Variants in LHPP observed in about 807,000 individuals in gnomAD.
The protein encoded by LHPP is phospholysine phosphohistidine inorganic pyrophosphate phosphatase.
A neutral mutation model predicts 30.3 loss-of-function variants in LHPP; 24 were observed. The observed-to-expected ratio is 0.79, with a 90% CI of 0.57 to 1.11. The LOEUF (loss-of-function observed/expected upper bound fraction) is 1.11. Ranked by LOEUF, LHPP falls within the 50% of genes most tolerant of loss-of-function variation. The pLI is 0.00. For missense variants in LHPP, 356 were observed against 367.2 expected, an observed-to-expected ratio of 0.97 and a Z score of 0.25; for synonymous variants, 150 against 157.1, an observed-to-expected ratio of 0.95 and a Z score of 0.34.
intron 6 of LHPP, among the ~76,000 whole-genome samples, chr10:124,565,728 C>A (rs1420445416): frequency 6.6e-6 from 1 of 152,216 alleles, no homozygotes; most frequent in African/African-American, 2.4e-5. Flanking sequence ...AGCCATGTTC[C>A]CATCGTCCCA....
intron 6 of LHPP, among the ~76,000 whole-genome samples, chr10:124,580,333 T>G (rs1948727057): frequency 1.3e-5 from 2 of 152,250 alleles, no homozygotes; most frequent in South Asian, 4.1e-4. Flanking sequence ...AATTCATCCC[T>G]CTCCTTGTTA....
intron 6 of LHPP, among the ~76,000 whole-genome samples, chr10:124,583,052 T>C (rs1948761461): frequency 6.6e-6 from 1 of 152,184 alleles, no homozygotes; most frequent in African/African-American, 2.4e-5. Flanking sequence ...TCAAACCCAG[T>C]TGTTAAGGGT....
At chr10:124,606,638 G>A (rs1169392101) in intron 6 of LHPP, among the ~76,000 whole-genome samples, 1 of 152,262 alleles carries the variant, frequency 6.6e-6, no homozygotes, top group East Asian at 1.9e-4. Context: ...GGAAACTGAG[G>A]CTCGGGCAGG....
At chr10:124,580,721 C>CTTTTTTTTTTTT (rs369288920) in intron 6 of LHPP, among the ~76,000 whole-genome samples, 1 of 75,728 alleles carries the variant, frequency 1.3e-5, no homozygotes. Context: ...TTTTTTTTTT[C>CTTTTTTTTTTTT]TTTTTTTTTT....
chr10:124,522,781 A>T (rs1954641875), intron 6 of LHPP, among the ~76,000 whole-genome samples: 1 of 148,448 alleles, frequency 6.7e-6, no homozygotes, highest in Admixed American at 6.7e-5. Context: ...GGCAGCCCTC[A>T]TCTTCCTTGG....
At chr10:124,570,612 G>A (rs935390449) in intron 6 of LHPP, among the ~76,000 whole-genome samples, 3 of 152,072 alleles carry the variant, frequency 2.0e-5, no homozygotes, top group Non-Finnish European at 2.9e-5. Flanking sequence ...GTACCCATTA[G>A]CAGTGACTTC....
intron 3 of LHPP, among the ~76,000 whole-genome samples, chr10:124,492,993 G>A (rs1953578169): frequency 6.6e-6 from 1 of 152,122 alleles, no homozygotes; most frequent in African/African-American, 2.4e-5. Flanking sequence ...TTCGAGACCA[G>A]CCTGGGCAGC....
chr10:124,603,468 G>A (rs977305110), intron 6 of LHPP, among the ~76,000 whole-genome samples: 11 of 152,224 alleles, frequency 7.2e-5, no homozygotes, highest in Non-Finnish European at 1.5e-4. Context: ...GCCAGGGGAA[G>A]TGTGTCCCCA....
chr10:124,607,103 G>A (rs971093458), intron 6 of LHPP, among the ~76,000 whole-genome samples: 2 of 152,122 alleles, frequency 1.3e-5, no homozygotes, highest in African/African-American at 2.4e-5. Context: ...GGCCACTCCG[G>A]GCAGGATGGT....
intron 6 of LHPP, among the ~76,000 whole-genome samples, chr10:124,604,719 C>A (rs1949070088): frequency 6.6e-6 from 1 of 152,258 alleles, no homozygotes; most frequent in Non-Finnish European, 1.5e-5. Context: ...GAGCTGGCGT[C>A]ACCCTCTGAT....
At chr10:124,579,558 T>C (rs1245373511) in intron 6 of LHPP, among the ~76,000 whole-genome samples, 1 of 152,220 alleles carries the variant, frequency 6.6e-6, no homozygotes, top group Non-Finnish European at 1.5e-5. Context: ...AGATCACACT[T>C]CTGTGAACAG....
intron 6 of LHPP, among the ~76,000 whole-genome samples, chr10:124,544,247 T>TC (rs1437061905): frequency 6.6e-6 from 1 of 151,994 alleles, no homozygotes; most frequent in African/African-American, 2.4e-5. Context: ...TCATGCTGGG[T>TC]CCCCCCATCT....
chr10:124,610,311 CGGGTGT>C lies in LHPP; in HGVS notation c.717-2947_717-2942del, dbSNP rs1564852625. On this transcript the variant is annotated intron_variant, in intron 6 of 6. Transcript: ENST00000368842. ...GCTGGGGTTGCTAATGGAGCGGGTG[CGGGTGT>C]GGGTGCGGGTGAGGGTGCTGATGGA... is the stretch of plus-strand genomic sequence containing the variant. Among the ~76,000 whole-genome samples the C allele has an allele frequency of 1.7e-3, 241 of 140,416 alleles. 3 individuals carry two copies. The highest frequency in any genetic ancestry group is 4.9e-3 in the African/African-American group (170 of 34,938). The allele number at this position is 140,416 out of a possible 152,430, so 92.1% of individuals were successfully genotyped here.
Position 124,496,828 on chromosome 10 carries a change from CCTGGACTGCCCCTCAGCCGCGG to C in LHPP, c.468-130_468-109del. 5.3e-6 allele frequency: 4 copies of C among 756,714 alleles called. No individual in the cohort carries two copies. Among genetic ancestry groups the C allele is most frequent in the Non-Finnish European group, 8.9e-6 (4 of 450,538 alleles). The allele number at this position is 756,714 out of a possible 1,614,324, so 46.9% of individuals were successfully genotyped here. On this transcript the variant is annotated intron_variant, in intron 3 of 6. Coordinates refer to ENST00000368842, the MANE Select transcript of LHPP (RefSeq NM_022126.4). This position sits in a 1 kb window ranked among gnomAD's most constrained non-coding sequence, Gnocchi z 4.3. Reference sequence around the variant, plus strand: ...CCCTGCGGTCATTCTCAGCGTAGCGCCTGGACTGCCCCTCAGCCGCGGCTTGGCTCTGCAGCCAGCGGGACAG... The same window carrying C: ...CCCTGCGGTCATTCTCAGCGTAGCGCCTTGGCTCTGCAGCCAGCGGGACAG...
chr10:124,498,680 T>G, intron 5 of LHPP: 5 of 480,608 alleles, frequency 1.0e-5, no homozygotes, highest in Non-Finnish European at 1.5e-5. Flanking sequence ...TTTTTTTTTT[T>G]TTGAGCCAAT....
Position 124,484,136 on chromosome 10 carries a change from C to A in LHPP, c.126-3C>A. On this transcript the variant is annotated splice_polypyrimidine_tract_variant and splice_region_variant and intron_variant, in intron 1 of 6. Coordinates refer to ENST00000368842, the MANE Select transcript of LHPP (RefSeq NM_022126.4). ...TCCCGGGCCTGTGTCTCCCCTGCCGCAGACTGAAGCGTTCCCGGCTGAAGG... is the reference window on the plus strand; with the variant it reads ...TCCCGGGCCTGTGTCTCCCCTGCCGAAGACTGAAGCGTTCCCGGCTGAAGG... The A allele has an allele frequency of 6.2e-7, 1 of 1,613,512 alleles. No individual in the cohort carries two copies. Among genetic ancestry groups the A allele is most frequent in the South Asian group, 1.1e-5 (1 of 91,030 alleles).
chr10:124,552,648 C>T (rs1339108923), intron 6 of LHPP, among the ~76,000 whole-genome samples: 1 of 152,176 alleles, frequency 6.6e-6, no homozygotes, highest in Non-Finnish European at 1.5e-5. Flanking sequence ...CCCCTGTAGT[C>T]ATTTCTAAAT....
rs1451735748 is a variant in LHPP, at chr10:124,505,979, C to T, written c.624+7851C>T. On this transcript the variant is annotated intron_variant, in intron 5 of 6. Coordinates refer to ENST00000368842, the MANE Select transcript of LHPP (RefSeq NM_022126.4). ...GGATTTCTCAGGCTGGGCGCAGTTGCTCACACCTGTAATCCCAGCACTTTG... is the reference window on the plus strand; with the variant it reads ...GGATTTCTCAGGCTGGGCGCAGTTGTTCACACCTGTAATCCCAGCACTTTG... 2.6e-5 allele frequency among the ~76,000 whole-genome samples: 4 copies of T among 152,260 alleles called. No individual in the cohort carries two copies. In the South Asian group the frequency reaches 8.3e-4, roughly 32 times the overall value.
chr10:124,544,377 C>T (rs564873705), intron 6 of LHPP, among the ~76,000 whole-genome samples: 3 of 152,254 alleles, frequency 2.0e-5, no homozygotes, highest in East Asian at 1.9e-4. Context: ...CCAGAGTCCC[C>T]AGGGGTCAGG....
Sources: allele counts gnomAD v4.1 joint callset (sites outside exome capture counted in the v4.1 genomes callset), GRCh38; gene constraint gnomAD v4.1.1; non-coding constraint Gnocchi (gnomAD v3.1); transcripts MANE v1.5; gene names NCBI Gene and HGNC (gene_info 2026-07-23, HGNC 2026-07-21).